KCTD16: variants seen among roughly 807,000 people sequenced by gnomAD.
KCTD16 encodes BTB/POZ domain-containing protein KCTD16.
Under a neutral mutation model 33.2 loss-of-function variants are expected in KCTD16, and 13 were observed. The ratio of observed to expected loss-of-function variants is 0.39; its 90% CI spans 0.25 to 0.62. KCTD16 has a LOEUF of 0.62. Ranked by LOEUF, KCTD16 falls within the 20% of genes least tolerant of loss-of-function variation. The probability of loss-of-function intolerance (pLI) is 0.50; values close to 1 mark genes in which losing one functional copy is unlikely to be tolerated. For missense variants in KCTD16, 441 were observed against 525.1 expected, an observed-to-expected ratio of 0.84 and a Z score of 1.57; for synonymous variants, 197 against 195.3, an observed-to-expected ratio of 1.01 and a Z score of -0.07.
chr5:144,433,080 A>C (rs2126970636), intron 3 of KCTD16, among the ~76,000 whole-genome samples: 1 of 152,216 alleles, frequency 6.6e-6, no homozygotes, highest in East Asian at 1.9e-4. Flanking sequence ...GACTTTGAAA[A>C]CCTGCTCTTC....
chr5:144,284,069 A>T (rs1755676569), intron 3 of KCTD16, among the ~76,000 whole-genome samples: 1 of 152,192 alleles, frequency 6.6e-6, no homozygotes, highest in African/African-American at 2.4e-5. Context: ...TGATATGATA[A>T]AGTCACTAGT....
intron 3 of KCTD16, among the ~76,000 whole-genome samples, chr5:144,300,466 A>T (rs1204550476): frequency 6.6e-6 from 1 of 152,186 alleles, no homozygotes; most frequent in Non-Finnish European, 1.5e-5. Flanking sequence ...ATGCTATTTC[A>T]CTGAGACAGT....
intron 3 of KCTD16, among the ~76,000 whole-genome samples, chr5:144,431,327 A>T (rs1205333009): frequency 6.6e-6 from 1 of 152,196 alleles, no homozygotes; most frequent in Non-Finnish European, 1.5e-5. Flanking sequence ...TGTGTTACAT[A>T]GTAACTTGAG....
At chr5:144,216,205 T>C (rs1040419182) in intron 3 of KCTD16, among the ~76,000 whole-genome samples, 3 of 152,248 alleles carry the variant, frequency 2.0e-5, no homozygotes, top group Non-Finnish European at 4.4e-5. Flanking sequence ...TTATTGAGTA[T>C]GTCACTGACA....
At chr5:144,415,685 G>A (rs770412271) in intron 3 of KCTD16, among the ~76,000 whole-genome samples, 37 of 152,250 alleles carry the variant, frequency 2.4e-4, no homozygotes, top group African/African-American at 5.3e-4. Flanking sequence ...GGTCAATTCC[G>A]AGGCCTTTCT....
chr5:144,338,099 A>T (rs1447127272), intron 3 of KCTD16, among the ~76,000 whole-genome samples: 1 of 152,184 alleles, frequency 6.6e-6, no homozygotes, highest in Non-Finnish European at 1.5e-5. Context: ...GTAAGCTCGG[A>T]CTTTCTTCCC....
At chr5:144,195,535 G>A (rs1235637711) in intron 2 of KCTD16, among the ~76,000 whole-genome samples, 1 of 152,202 alleles carries the variant, frequency 6.6e-6, no homozygotes, top group Non-Finnish European at 1.5e-5. Flanking sequence ...CACAGAAAGA[G>A]GGAGCTGGTG....
chr5:144,311,815 C>T (rs2126878024), intron 3 of KCTD16, among the ~76,000 whole-genome samples: 1 of 152,258 alleles, frequency 6.6e-6, no homozygotes, highest in Admixed American at 6.5e-5. Flanking sequence ...CTACCATACA[C>T]AGTTAACTGT....
intron 3 of KCTD16, among the ~76,000 whole-genome samples, chr5:144,389,426 C>A (rs1438755872): frequency 6.6e-6 from 1 of 151,982 alleles, no homozygotes; most frequent in Non-Finnish European, 1.5e-5. Context: ...ACTGAGCATG[C>A]AAGGGATCTA....
chr5:144,424,655 G>A (rs145096001), intron 3 of KCTD16, among the ~76,000 whole-genome samples: 140 of 152,268 alleles, frequency 9.2e-4, no homozygotes, highest in African/African-American at 3.2e-3. Context: ...CAAGAGCGTG[G>A]CTTTGGTGTC....
intron 3 of KCTD16, among the ~76,000 whole-genome samples, chr5:144,287,662 GT>G (rs1755782267): frequency 6.6e-6 from 1 of 152,062 alleles, no homozygotes. Context: ...TTGAGACTGA[GT>G]TTCACTCTTT....
intron 3 of KCTD16, among the ~76,000 whole-genome samples, chr5:144,442,933 C>T (rs1333697745): frequency 6.6e-6 from 1 of 152,022 alleles, no homozygotes; most frequent in Non-Finnish European, 1.5e-5. Context: ...GGCAAGGAAC[C>T]TCTACCATCT....
At chr5:144,404,537 G>C (rs2126948724) in intron 3 of KCTD16, among the ~76,000 whole-genome samples, 1 of 152,252 alleles carries the variant, frequency 6.6e-6, no homozygotes, top group East Asian at 1.9e-4. Context: ...CTGGGTCACA[G>C]GGATACTAAA....
intron 3 of KCTD16, among the ~76,000 whole-genome samples, chr5:144,433,047 C>T (rs1753499842): frequency 6.6e-6 from 1 of 152,000 alleles, no homozygotes; most frequent in Non-Finnish European, 1.5e-5. Context: ...GTGGCAGAAC[C>T]ACGTGTGTAC....
At chr5:144,465,154 A>G (rs888873867) in intron 3 of KCTD16, among the ~76,000 whole-genome samples, 1 of 149,996 alleles carries the variant, frequency 6.7e-6, no homozygotes, top group African/African-American at 2.5e-5. Context: ...AATGTAGATC[A>G]GTCTTATCAC....
intron 3 of KCTD16, among the ~76,000 whole-genome samples, chr5:144,288,259 G>C (rs905969117): frequency 5.3e-5 from 8 of 152,190 alleles, no homozygotes; most frequent in African/African-American, 1.7e-4. Context: ...ATTTCTAGTT[G>C]TAAGACCTTG....
chr5:144,365,872 G>A (rs1751821123), intron 3 of KCTD16, among the ~76,000 whole-genome samples: 1 of 152,142 alleles, frequency 6.6e-6, no homozygotes, highest in African/African-American at 2.4e-5. Context: ...AAGTAGAAAA[G>A]ACTGGTGAAG....
At chr5:144,447,968 C>T (rs987091473) in intron 3 of KCTD16, among the ~76,000 whole-genome samples, 1 of 152,052 alleles carries the variant, frequency 6.6e-6, no homozygotes. Context: ...ATTTTTGACA[C>T]TCTCCATGTA....
chr5:144,472,648 A>G (rs1372907826), intron 3 of KCTD16, among the ~76,000 whole-genome samples: 1 of 152,206 alleles, frequency 6.6e-6, no homozygotes, highest in Non-Finnish European at 1.5e-5. Flanking sequence ...TCCTTGGCAT[A>G]TTTGCTGGTA....
Sources: allele counts gnomAD v4.1 joint callset (sites outside exome capture counted in the v4.1 genomes callset), GRCh38; gene constraint gnomAD v4.1.1; transcripts MANE v1.5; gene names NCBI Gene and HGNC (gene_info 2026-07-23, HGNC 2026-07-21).